The following AXIN2 variants were observed in gnomAD, a reference collection of about 807,000 sequenced individuals.
AXIN2 encodes the protein axin-2.
A neutral mutation model predicts 74.7 loss-of-function variants in AXIN2; 21 were observed. The ratio of observed to expected loss-of-function variants is 0.28; its 90% CI spans 0.20 to 0.40. AXIN2 has a LOEUF of 0.40. Ranked by LOEUF, AXIN2 falls within the 10% of genes least tolerant of loss-of-function variation. The probability of loss-of-function intolerance (pLI) is 1.00; values close to 1 mark genes in which losing one functional copy is unlikely to be tolerated. For synonymous variants in AXIN2, 532 were observed against 454.9 expected, an observed-to-expected ratio of 1.17 and a Z score of -2.16; for missense variants, 1,144 against 1,111.1, an observed-to-expected ratio of 1.03 and a Z score of -0.42.
At chr17:65,531,165 G>A (rs1399159612) in intron 10 of AXIN2, among the ~76,000 whole-genome samples, 2 of 148,068 alleles carry the variant, frequency 1.4e-5, no homozygotes, top group Non-Finnish European at 3.0e-5. Flanking sequence ...TGTGTCTCAG[G>A]GTTATGGTTG....
At chr17:65,535,866 G>A in intron 8 of AXIN2, 145 bp from the exon 9 acceptor site, 1 of 768,828 alleles carries the variant, frequency 1.3e-6, no homozygotes, top group East Asian at 2.7e-5. Flanking sequence ...AAGACCCTGG[G>A]TTAACAGTGG....
chr17:65,537,504 G>A lies in AXIN2; in HGVS notation c.1532C>T (p.Thr511Met), dbSNP rs200883019. The A allele has an allele frequency of 5.7e-4, 918 of 1,613,776 alleles. 2 individuals are homozygous for A. Among genetic ancestry groups the A allele is most frequent in the Non-Finnish European group, 1.4e-4 (160 of 1,179,988 alleles). Residue 511 changes from threonine to methionine, a missense_variant, in exon 6 of 11, where the codon ACG becomes ATG. Coordinates refer to ENST00000307078, the MANE Select transcript of AXIN2 (RefSeq NM_004655.4). Reference protein sequence around the residue: ...GGKGFVTKQTTKHVHHHYIHH... With the variant: ...GGKGFVTKQTMKHVHHHYIHH... ...GATGTAGTGGTGGTGGACATGCTTCGTCGTCTGCTTGGTCACAAAGCCTTT... is the reference window on the plus strand; with the variant it reads ...GATGTAGTGGTGGTGGACATGCTTCATCGTCTGCTTGGTCACAAAGCCTTT...
chr17:65,543,986 G>A (rs1177623074), intron 3 of AXIN2, among the ~76,000 whole-genome samples: 2 of 152,144 alleles, frequency 1.3e-5, no homozygotes, highest in Non-Finnish European at 2.9e-5. Flanking sequence ...CTGCCCTAGG[G>A]CTGTAAGACA....
intron 3 of AXIN2, among the ~76,000 whole-genome samples, chr17:65,542,782 C>T (rs963529961): frequency 6.6e-6 from 1 of 152,120 alleles, no homozygotes; most frequent in Non-Finnish European, 1.5e-5. Flanking sequence ...CCTCAGGGTG[C>T]AAACATTTTC....
chr17:65,538,162 C>A (rs755305827), intron 5 of AXIN2, 41 bp downstream of exon 5: 2 of 1,613,798 alleles, frequency 1.2e-6, no homozygotes, highest in South Asian at 1.1e-5. Flanking sequence ...CGAGCGCTCA[C>A]GCCGTGGACG....
intron 10 of AXIN2, among the ~76,000 whole-genome samples, chr17:65,531,200 A>C (rs1227543970): frequency 6.6e-6 from 1 of 151,672 alleles, no homozygotes; most frequent in East Asian, 1.9e-4. Context: ...CCTTTAAAAA[A>C]AAAAAAATTA....
chr17:65,555,191 G>A (rs1037328665), intron 2 of AXIN2, among the ~76,000 whole-genome samples: 1 of 152,200 alleles, frequency 6.6e-6, no homozygotes, highest in African/African-American at 2.4e-5. Flanking sequence ...CAGTGCCCCA[G>A]GCATCCGGCT....
intron 3 of AXIN2, among the ~76,000 whole-genome samples, chr17:65,547,337 C>T (rs1371356465): frequency 4.9e-4 from 75 of 152,194 alleles, no homozygotes; most frequent in Non-Finnish European, 7.3e-5. Flanking sequence ...ATGTTGAGAA[C>T]GCTCATGCCT....
rs985163038 is a variant in AXIN2 at position 65,529,355 on chromosome 17, A to C, written c.*621T>G. On this transcript the variant is annotated 3_prime_UTR_variant, in exon 11 of 11. Transcript: ENST00000307078. ...ACAGAGCAGCATAGGAAAAAAAAAA[A>C]CAAAACGCACCAATTTCTGCATGTG... 4.2e-6 allele frequency: 1 copy of C among 240,540 alleles called. No homozygotes were observed. The highest frequency in any genetic ancestry group is 2.2e-5 in the African/African-American group (1 of 45,326). The allele number at this position is 240,540 out of a possible 1,614,324, so 14.9% of individuals were successfully genotyped here. A position where few individuals can be genotyped will look rare whatever the true frequency, so the allele number is the denominator to read the frequency against.
In AXIN2 at chr17:65,537,460, T is replaced by C. The variant is rs1598098753; in HGVS notation, c.1576A>G (p.Lys526Glu). 1.2e-6 allele frequency: 2 copies of C among 1,613,900 alleles called. No homozygotes were observed. The highest frequency in any genetic ancestry group is 8.5e-7 in the Non-Finnish European group (1 of 1,179,992). The change falls in exon 6 of 11, where the codon AAG becomes GAG. Residue 526 changes from lysine to glutamate, a missense_variant. By Grantham distance (56) the Lys-to-Glu change is moderately conservative. Coordinates refer to ENST00000307078, the MANE Select transcript of AXIN2 (RefSeq NM_004655.4). ...TCCGCCTCGATCTCCTCCTTGGTCT[T>C]GGGGACGGCATGGTGGTGGATGTAG... Reference protein sequence around the residue: ...HHYIHHHAVPKTKEEIEAEAT... With the variant: ...HHYIHHHAVPETKEEIEAEAT...
intron 2 of AXIN2, among the ~76,000 whole-genome samples, chr17:65,554,366 G>A (rs541361993): frequency 6.6e-6 from 1 of 152,208 alleles, no homozygotes; most frequent in African/African-American, 2.4e-5. Context: ...TTACTCACAA[G>A]GTCACTGCCC....
At chr17:65,546,611 G>A (rs1342053431) in intron 3 of AXIN2, among the ~76,000 whole-genome samples, 2 of 152,184 alleles carry the variant, frequency 1.3e-5, no homozygotes, top group South Asian at 4.1e-4. Flanking sequence ...CAATGCCCAA[G>A]AGACAGTGAC....
intron 1 of AXIN2, among the ~76,000 whole-genome samples, 179 bp from the exon 2 acceptor site, chr17:65,558,915 A>G (rs1430433615): frequency 1.3e-5 from 2 of 152,204 alleles, no homozygotes; most frequent in South Asian, 2.1e-4. Context: ...CTGCTTTTCA[A>G]AAGCGAAATC....
At chr17:65,556,301 G>A (rs906569606) in intron 2 of AXIN2, among the ~76,000 whole-genome samples, 5 of 152,170 alleles carry the variant, frequency 3.3e-5, no homozygotes, top group Non-Finnish European at 7.4e-5. Flanking sequence ...AGTAGTCTCA[G>A]CTCTGGCTGC....
intron 3 of AXIN2, among the ~76,000 whole-genome samples, chr17:65,545,379 T>C (rs4791171): frequency 0.55 from 83,690 of 152,108 alleles, 25,906 homozygotes; most frequent in Non-Finnish European, 0.7. Flanking sequence ...GGTGGGAGTC[T>C]GGCAGTTAAC....
In AXIN2 at chr17:65,558,093, G is replaced by T. The variant is rs781572220; in HGVS notation, c.528C>A (p.Thr176=). 3.7e-6 allele frequency: 6 copies of T among 1,613,858 alleles called. No homozygotes were observed. In the South Asian group the frequency reaches 4.4e-5, roughly 12 times the overall value. The stretch of plus-strand genomic sequence containing the variant: ...TTTCCTCCATCACCGACTGGATCTC[G>T]GTCTGCGCCTGGTCAAACATGATGG... ...IDSIMFDQAQ[T]EIQSVMEENA... Residue 176 remains threonine (T), a synonymous_variant, in exon 2 of 11, where the codon ACC becomes ACA. Coordinates refer to ENST00000307078, the MANE Select transcript of AXIN2 (RefSeq NM_004655.4).
rs2044318175 is a variant in AXIN2, at chr17:65,558,847, T to A, written c.-116-111A>T. 6.0e-5 allele frequency: 35 copies of A among 578,906 alleles called. No individual in the cohort carries two copies. The East Asian group carries it at 1.0e-3, about 17-fold the overall frequency. The allele number at this position is 578,906 out of a possible 1,614,324, so 35.9% of individuals were successfully genotyped here. The stretch of plus-strand genomic sequence containing the variant: ...GAAAGTAAACAGGCTTTTCAACTCC[T>A]CAAATTCAAATCAAGCAACCCAGCT... On this transcript the variant is annotated intron_variant, in intron 1 of 10. Transcript: ENST00000307078.
At chr17:65,554,090 G>A (rs917798294) in intron 2 of AXIN2, among the ~76,000 whole-genome samples, 5 of 151,226 alleles carry the variant, frequency 3.3e-5, no homozygotes, top group Non-Finnish European at 5.9e-5. Flanking sequence ...AGGAGGTGCC[G>A]GCTGCTTTCT....
intron 3 of AXIN2, among the ~76,000 whole-genome samples, chr17:65,549,028 GA>G (rs2044154785): frequency 6.6e-6 from 1 of 152,158 alleles, no homozygotes; most frequent in Admixed American, 6.5e-5. Flanking sequence ...GCTCTTTAGA[GA>G]TTTCTGGCTT....
Sources: allele counts gnomAD v4.1 joint callset (sites outside exome capture counted in the v4.1 genomes callset), GRCh38; gene constraint gnomAD v4.1.1; transcripts MANE v1.5; gene names NCBI Gene and HGNC (gene_info 2026-07-23, HGNC 2026-07-21).